Variants in COL15A1 observed in about 807,000 individuals in gnomAD.
COL15A1 encodes collagen type XV alpha 1 chain.
Under a neutral mutation model 165.9 loss-of-function variants are expected in COL15A1, and 111 were observed. The ratio of observed to expected loss-of-function variants is 0.67; its 90% CI spans 0.57 to 0.78. The LOEUF (loss-of-function observed/expected upper bound fraction) is 0.78. Ranked by LOEUF, COL15A1 falls within the 30% of genes least tolerant of loss-of-function variation. The probability of loss-of-function intolerance (pLI) is 0.00; values close to 1 mark genes in which losing one functional copy is unlikely to be tolerated. For synonymous variants in COL15A1, 659 were observed against 674.8 expected (o/e 0.98, Z 0.36); for missense variants, 1,745 against 1,789.7 (o/e 0.98, Z 0.45).
chr9:99,024,274 TTTGTTTTTTTG>T (rs1449489091), intron 14 of COL15A1, among the ~76,000 whole-genome samples: 1 of 137,414 alleles, frequency 7.3e-6, no homozygotes. Context: ...AGCAGTTTTT[TTTGTTTTTTTG>T]TTTTTTTTTT....
rs1825704225 is a variant in COL15A1, at chr9:99,055,348, C to T, written c.3168C>T (p.Gly1056=). 2 of 1,612,908 alleles carry T rather than the reference C, an allele frequency of 1.2e-6. No homozygotes were observed. Among genetic ancestry groups the T allele is most frequent in the Admixed American group, 1.7e-5 (1 of 60,012 alleles). ...GCTTCCTTATGTCTGGGCCTCCAGG[C>T]CTGCCCGGAAATCCAGGCCCGGCTG... ...NGSFLMSGPP[G]LPGNPGPAGQ... Residue 1056 remains glycine (G), a synonymous_variant, in exon 34 of 42, where the codon GGC becomes GGT. Coordinates refer to ENST00000375001, the MANE Select transcript of COL15A1 (RefSeq NM_001855.5).
At chr9:99,014,553 G>A (rs907859140) in intron 9 of COL15A1, among the ~76,000 whole-genome samples, 11 of 152,150 alleles carry the variant, frequency 7.2e-5, no homozygotes, top group East Asian at 1.9e-4. Flanking sequence ...ATCAAGCACC[G>A]ATATGAGATT....
chr9:99,054,531 A>G lies in COL15A1; in HGVS notation c.2951-45A>G, dbSNP rs970666425. Reference sequence around the variant, plus strand: ...CTCAGAAAGGTTTTATATAGAAAGAAGGTGATTTTCCATTTTTTTTTAACA... The same window carrying G: ...CTCAGAAAGGTTTTATATAGAAAGAGGGTGATTTTCCATTTTTTTTTAACA... On this transcript the variant is annotated intron_variant, in intron 31 of 41. Transcript: ENST00000375001. 6 of 1,562,478 alleles carry G rather than the reference A, an allele frequency of 3.8e-6. No homozygotes were observed. The African/African-American group carries it at 8.3e-5, about 22-fold the overall frequency.
chr9:99,054,882 A>G (rs772827188), intron 32 of COL15A1, among the ~76,000 whole-genome samples: 2 of 152,164 alleles, frequency 1.3e-5, no homozygotes, highest in African/African-American at 2.4e-5. Flanking sequence ...ATGCAAAACA[A>G]TGTCCAAAGA....
chr9:99,052,282 G>A (rs1404756517), intron 30 of COL15A1, 106 bp from the exon 31 acceptor site: 4 of 837,064 alleles, frequency 4.8e-6, no homozygotes, highest in Non-Finnish European at 8.3e-6. Context: ...GCCTGACTCT[G>A]TGGCATTGCC....
In COL15A1 at chr9:99,035,078, G is replaced by A. The variant is rs770980179; in HGVS notation, c.2144G>A (p.Gly715Glu). The A allele has an allele frequency of 5.0e-6, 8 of 1,610,840 alleles. No individual in the cohort carries two copies. Among genetic ancestry groups the A allele is most frequent in the Middle Eastern group, 3.3e-4 (2 of 6,056 alleles). Residue 715 changes from glycine to glutamate, a missense_variant, in exon 18 of 42, where the codon GGG becomes GAG. Coordinates refer to ENST00000375001, the MANE Select transcript of COL15A1 (RefSeq NM_001855.5). The part of the protein sequence containing the change: ...PGKKGQAGPP[G>E]VMGPPGPPGP... ...AAAAAGGGACAAGCTGGCCCTCCTG[G>A]GGTCATGGGACCCCCAGGGCCTCCT...
chr9:99,056,322 G>A lies in COL15A1; in HGVS notation c.3255G>A (p.Gly1085=), dbSNP rs1825719648. ...QGPPGAPGLP[G]PPGFGRPGDP... is the part of the protein sequence containing the mutation. ...CCCCAGGTGCTCCTGGTCTGCCTGG[G>A]CCACCTGGCTTTGGAAGACCTGGTG... The change falls in exon 35 of 42, where the codon GGG becomes GGA. Residue 1085 remains glycine (G), a synonymous_variant. Coordinates refer to ENST00000375001, the MANE Select transcript of COL15A1 (RefSeq NM_001855.5). 1 of 1,614,020 alleles carries A rather than the reference G, an allele frequency of 6.2e-7. No individual in the cohort carries two copies. The highest frequency in any genetic ancestry group is 1.1e-5 in the South Asian group (1 of 91,084).
intron 11 of COL15A1, among the ~76,000 whole-genome samples, chr9:99,020,002 T>G (rs1838999225): frequency 6.6e-6 from 1 of 152,218 alleles, no homozygotes; most frequent in East Asian, 1.9e-4. Context: ...CACAATGATG[T>G]CATTACATTT....
rs779538138 is a variant in COL15A1, at chr9:99,004,927, A to T, written c.1230A>T (p.Ala410=). The T allele has an allele frequency of 4.8e-5, 77 of 1,613,974 alleles. No individual in the cohort carries two copies. The highest frequency in any genetic ancestry group is 6.4e-5 in the Non-Finnish European group (75 of 1,179,988). ...PGPDNEERLA[A]TAAGEAEALA... is the part of the protein sequence containing the mutation. ...CAGATAATGAAGAGCGTTTAGCAGCAACAGCAGCAGGGGAGGCCGAGGCAC... is the reference window on the plus strand; with the variant it reads ...CAGATAATGAAGAGCGTTTAGCAGCTACAGCAGCAGGGGAGGCCGAGGCAC... The change falls in exon 9 of 42, where the codon GCA becomes GCT. Residue 410 remains alanine, a synonymous_variant. Coordinates refer to ENST00000375001, the MANE Select transcript of COL15A1 (RefSeq NM_001855.5).
intron 39 of COL15A1, among the ~76,000 whole-genome samples, chr9:99,066,085 A>C (rs1825886725): frequency 6.6e-6 from 1 of 151,944 alleles, no homozygotes. Context: ...TCTCAGCTCT[A>C]AGTTGATGAG....
At chr9:99,007,134 T>G (rs1428526444) in intron 9 of COL15A1, among the ~76,000 whole-genome samples, 1 of 146,094 alleles carries the variant, frequency 6.8e-6, no homozygotes, top group Non-Finnish European at 1.5e-5. Flanking sequence ...GACAAACGCT[T>G]GCATTCTTTC....
intron 14 of COL15A1, 23 bp downstream of exon 14, chr9:99,023,472 C>A: frequency 9.2e-7 from 1 of 1,085,522 alleles, no homozygotes; most frequent in Non-Finnish European, 1.4e-6. Flanking sequence ...GAGGACACGA[C>A]CTGGTGTCTG....
At position 99,036,454 on chromosome 9, in the gene COL15A1, G is replaced by A. The variant is rs536115820; in HGVS notation, c.2409+58G>A. On this transcript the variant is annotated intron_variant, in intron 21 of 41. Coordinates refer to ENST00000375001, the MANE Select transcript of COL15A1 (RefSeq NM_001855.5). The stretch of plus-strand genomic sequence containing the variant: ...TATTTTCCACCTTTGCCAAAGGGAG[G>A]AGAAGGTTGTCCATGACTTCAAAGC... The A allele has an allele frequency of 3.2e-5, 50 of 1,583,158 alleles. No homozygotes were observed. In the South Asian group the frequency reaches 5.4e-4, roughly 17 times the overall value.
intron 35 of COL15A1, 23 bp from the exon 36 acceptor site, chr9:99,059,866 T>C: frequency 6.2e-7 from 1 of 1,612,108 alleles, no homozygotes; most frequent in Non-Finnish European, 8.5e-7. Flanking sequence ...TTTGTGTAAC[T>C]TCTCTTTTCT....
intron 39 of COL15A1, among the ~76,000 whole-genome samples, chr9:99,064,244 G>A (rs1173582496): frequency 6.6e-6 from 1 of 152,170 alleles, no homozygotes; most frequent in Non-Finnish European, 1.5e-5. Flanking sequence ...AGAGTCTTGG[G>A]AGAGATAGTT....
intron 2 of COL15A1, among the ~76,000 whole-genome samples, chr9:98,961,535 G>C (rs1837865045): frequency 6.6e-6 from 1 of 152,198 alleles, no homozygotes; most frequent in Admixed American, 6.5e-5. Flanking sequence ...AGAATGAGGA[G>C]AGGATGGAAG....
chr9:99,059,755 T>C, intron 35 of COL15A1, 134 bp from the exon 36 acceptor site: 1 of 905,398 alleles, frequency 1.1e-6, no homozygotes, highest in Non-Finnish European at 1.7e-6. Flanking sequence ...GCACCCAAGA[T>C]ACAGGTGGAA....
intron 9 of COL15A1, among the ~76,000 whole-genome samples, chr9:99,006,434 A>G (rs1288836255): frequency 6.6e-6 from 1 of 152,166 alleles, no homozygotes; most frequent in Admixed American, 6.5e-5. Flanking sequence ...CCGGCCTTTG[A>G]TGTCATTGCA....
In COL15A1 at chr9:99,024,268, G is replaced by GTTTTTTTTTTTTTT. The variant is rs201734908; in HGVS notation, c.1855-598_1855-597insTTTTTTTTTTTTTT. On this transcript the variant is annotated intron_variant, in intron 14 of 41. Transcript: ENST00000375001. ...TAAAAACAAGGCTACACCACAAGCAGTTTTTTTTGTTTTTTTGTTTTTTTT... is the reference window on the plus strand; with the variant it reads ...TAAAAACAAGGCTACACCACAAGCAGTTTTTTTTTTTTTTTTTTTTTTGTTTTTTTGTTTTTTTT... Among the ~76,000 whole-genome samples, 144 of 131,454 alleles carry GTTTTTTTTTTTTTT rather than the reference G, an allele frequency of 1.1e-3. 9 individuals are homozygous for GTTTTTTTTTTTTTT. Among genetic ancestry groups the GTTTTTTTTTTTTTT allele is most frequent in the East Asian group, 2.5e-3 (11 of 4,382 alleles). The allele number at this position is 131,454 out of a possible 152,430, so 86.2% of individuals were successfully genotyped here. A position where few individuals can be genotyped will look rare whatever the true frequency, so the allele number is the denominator to read the frequency against.
Sources: gnomAD v4.1 joint callset for allele counts (sites outside exome capture counted in the v4.1 genomes callset) on GRCh38, gnomAD v4.1.1 for gene constraint, MANE v1.5 for transcripts, NCBI Gene and HGNC (gene_info 2026-07-23, HGNC 2026-07-21) for gene names.